The following LARP1B variants were observed in gnomAD, a reference collection of about 807,000 sequenced individuals.
LARP1B encodes the protein La ribonucleoprotein 1B.
A neutral mutation model predicts 114.2 loss-of-function variants in LARP1B; 76 were observed. The ratio of observed to expected loss-of-function variants is 0.67; its 90% CI spans 0.55 to 0.81. The LOEUF is 0.81. Among genes scored for constraint, LARP1B ranks in the 30% least tolerant of loss-of-function variants. The pLI, the probability that LARP1B is intolerant of heterozygous loss-of-function variation, is 0.00. For missense variants in LARP1B, 1,014 were observed against 1,075.8 expected (o/e 0.94, Z 0.80); for synonymous variants, 345 against 348.0 (o/e 0.99, Z 0.10).
Position 128,182,110 on chromosome 4 carries a change from C to CT in LARP1B, c.2003+2598_2003+2599insT, listed in dbSNP as rs1332349617. Among the ~76,000 whole-genome samples, 13 of 113,950 alleles carry CT rather than the reference C, an allele frequency of 1.1e-4. 2 individuals carry two copies. The highest frequency in any genetic ancestry group is 2.3e-4 in the East Asian group (1 of 4,256). 74.8% of individuals were successfully genotyped at this position (113,950 alleles called of 152,430 possible). ...TACAGGCATGAGCCACTGCACCCGG[C>CT]CTTTTTTTTTTTTTTTTTTTTGAGA... On this transcript the variant is annotated intron_variant, in intron 15 of 19. Coordinates refer to ENST00000326639, the MANE Select transcript of LARP1B (RefSeq NM_018078.4).
chr4:128,208,352 G>T (rs978853555), intron 19 of LARP1B, among the ~76,000 whole-genome samples: 2 of 150,782 alleles, frequency 1.3e-5, no homozygotes, highest in Non-Finnish European at 3.0e-5. Flanking sequence ...AAGGGAAGAA[G>T]AAAAATTTTA....
intron 11 of LARP1B, among the ~76,000 whole-genome samples, chr4:128,143,404 T>G (rs1472626653): frequency 2.0e-5 from 3 of 152,222 alleles, no homozygotes; most frequent in Non-Finnish European, 4.4e-5. Context: ...CAGGGATTCA[T>G]TCATTAACAT....
At chr4:128,073,664 C>T (rs1324125325) in intron 1 of LARP1B, among the ~76,000 whole-genome samples, 8 of 121,574 alleles carry the variant, frequency 6.6e-5, no homozygotes, top group African/African-American at 2.5e-4. Flanking sequence ...AATCTAGGCT[C>T]ACTGCAACCT....
intron 11 of LARP1B, among the ~76,000 whole-genome samples, chr4:128,136,409 A>G (rs1211618095): frequency 6.6e-6 from 1 of 152,220 alleles, no homozygotes; most frequent in Non-Finnish European, 1.5e-5. Context: ...ACTTAGAGAT[A>G]AAAAGCATTA....
intron 17 of LARP1B, 86 bp downstream of exon 17, chr4:128,200,751 G>A: frequency 1.0e-6 from 1 of 961,206 alleles, no homozygotes; most frequent in Non-Finnish European, 1.5e-6. Flanking sequence ...GATAGAGGGA[G>A]TTTTTAGAAA....
In LARP1B at chr4:128,082,198, ATGT is replaced by A. The variant is rs750771625; in HGVS notation, c.255_257del (p.Val86del). On this transcript the variant is annotated inframe_deletion, in exon 5 of 20. Transcript: ENST00000326639. ...CACAAGTGGGTACCACTCCACTTAG[ATGT>A]TGTAAGATCAGAGAGTCAAGAAAGA... is the stretch of plus-strand genomic sequence containing the variant. The A allele has an allele frequency of 5.0e-6, 8 of 1,612,570 alleles. No individual in the cohort carries two copies. The highest frequency in any genetic ancestry group is 1.3e-5 in the African/African-American group (1 of 75,026).
chr4:128,170,368 T>C (rs1477657116), intron 12 of LARP1B, among the ~76,000 whole-genome samples: 2 of 152,248 alleles, frequency 1.3e-5, no homozygotes, highest in African/African-American at 4.8e-5. Context: ...TTAATGGTGT[T>C]GATGAGTTCT....
chr4:128,093,408 A>G (rs911938975), intron 7 of LARP1B, among the ~76,000 whole-genome samples: 1 of 152,026 alleles, frequency 6.6e-6, no homozygotes, highest in Non-Finnish European at 1.5e-5. Flanking sequence ...CATCTTGGCT[A>G]ACACAGTGAA....
Position 128,162,329 on chromosome 4 carries a change from T to C in LARP1B, c.1648+12T>C. 6.2e-7 allele frequency: 1 copy of C among 1,608,758 alleles called. No homozygotes were observed. Among genetic ancestry groups the C allele is most frequent in the Non-Finnish European group, 8.5e-7 (1 of 1,177,590 alleles). On this transcript the variant is annotated intron_variant, in intron 12 of 19. Coordinates refer to ENST00000326639, the MANE Select transcript of LARP1B (RefSeq NM_018078.4). ...ACAGTCCAGGCAAGGTATGTAAATC[T>C]GCTTTTGTGTAAGTGTCTGAATAGT...
chr4:128,099,479 G>A (rs754811468), intron 8 of LARP1B, among the ~76,000 whole-genome samples: 1 of 151,936 alleles, frequency 6.6e-6, no homozygotes, highest in East Asian at 1.9e-4. Flanking sequence ...TAGAGACAGG[G>A]TTTCCCAATG....
chr4:128,093,709 CTTTTTTTT>C (rs561778078), intron 7 of LARP1B, among the ~76,000 whole-genome samples: 1 of 122,698 alleles, frequency 8.2e-6, no homozygotes, highest in African/African-American at 2.9e-5. Context: ...TTTTTTTAAA[CTTTTTTTT>C]TTTTTTTTTT....
At chr4:128,142,509 T>C (rs960675997) in intron 11 of LARP1B, among the ~76,000 whole-genome samples, 8 of 151,592 alleles carry the variant, frequency 5.3e-5, no homozygotes, top group Non-Finnish European at 1.0e-4. Context: ...TATATTTCTT[T>C]CTTTTTTTTT....
At chr4:128,067,179 A>G (rs1037535017) in intron 1 of LARP1B, among the ~76,000 whole-genome samples, 1 of 152,146 alleles carries the variant, frequency 6.6e-6, no homozygotes, top group Non-Finnish European at 1.5e-5. Flanking sequence ...TTTAAAGTTC[A>G]CAGTGGGTAC....
chr4:128,221,936 C>A (rs1339730561), intron 7 of LARP1B, among the ~76,000 whole-genome samples: 1 of 152,178 alleles, frequency 6.6e-6, no homozygotes, highest in Non-Finnish European at 1.5e-5. Context: ...TAACACAGTG[C>A]ATGGTGGTAC....
At chr4:128,061,208 C>G (rs989178355), upstream of LARP1B, 1 of 152,020 alleles carries the variant, frequency 6.6e-6, no homozygotes, top group African/African-American at 2.4e-5. Context: ...GCGGGAGGCC[C>G]GGCGAGAGAA....
intron 11 of LARP1B, among the ~76,000 whole-genome samples, chr4:128,137,880 C>T (rs149581757): frequency 0.013 from 2,028 of 151,484 alleles, 41 homozygotes; most frequent in African/African-American, 0.045. Flanking sequence ...CTGCAACCAC[C>T]GCCTCCTGGG....
chr4:128,156,601 T>A (rs1735789331), intron 11 of LARP1B, among the ~76,000 whole-genome samples: 1 of 151,860 alleles, frequency 6.6e-6, no homozygotes, highest in Admixed American at 6.6e-5. Context: ...GGTGCCACTT[T>A]ACCCACCTAG....
intron 7 of LARP1B, among the ~76,000 whole-genome samples, chr4:128,092,038 C>T (rs1036110315): frequency 6.6e-6 from 1 of 152,040 alleles, no homozygotes; most frequent in Non-Finnish European, 1.5e-5. Flanking sequence ...TATAAGTCTC[C>T]TGGCTTCTAT....
chr4:128,201,091 T>C (rs1195356812), intron 17 of LARP1B, among the ~76,000 whole-genome samples: 1 of 152,204 alleles, frequency 6.6e-6, no homozygotes, highest in Non-Finnish European at 1.5e-5. Flanking sequence ...TTCAGTTCCT[T>C]GCCACACTGA....
Sources: allele counts gnomAD v4.1 joint callset (sites outside exome capture counted in the v4.1 genomes callset), GRCh38; gene constraint gnomAD v4.1.1; transcripts MANE v1.5; gene names NCBI Gene and HGNC (gene_info 2026-07-23, HGNC 2026-07-21).